Variants in SPIRE2 observed in about 807,000 individuals in gnomAD.
SPIRE2 encodes spire type actin nucleation factor 2.
SPIRE2 carries 76 observed loss-of-function variants against 80.7 expected under a neutral mutation model. That is an observed-to-expected ratio of 0.94 (90% confidence interval 0.78 to 1.14). The LOEUF (loss-of-function observed/expected upper bound fraction) is 1.14, where lower values mean the gene tolerates loss of function less well. Among genes scored for constraint, SPIRE2 ranks in the 50% most tolerant of loss-of-function variants. SPIRE2 has a pLI of 0.00. For missense variants in SPIRE2, 1,196 were observed against 1,015.3 expected (o/e 1.18, Z -2.42); for synonymous variants, 535 against 432.6 (o/e 1.24, Z -2.94).
chr16:89,869,051 A>ATATATATATATAT (rs1179428409), intron 13 of SPIRE2, among the ~76,000 whole-genome samples: 1 of 30,554 alleles, frequency 3.3e-5, no homozygotes, highest in African/African-American at 2.2e-4. Flanking sequence ...AAAAAAAAAA[A>ATATATATATATAT]AAATATATAT....
At chr16:89,843,673 TTTTTTTTGTTTGTTTTTGTTTTTTG>T (rs1267589059) in intron 1 of SPIRE2, among the ~76,000 whole-genome samples, 18 of 56,242 alleles carry the variant, frequency 3.2e-4, no homozygotes, top group Admixed American at 4.4e-4. Flanking sequence ...CCACGTTTTT[TTTTTTTTGTTTGTTTTTGTTTTTTG>T]TTTTTTTTTT....
In SPIRE2 at chr16:89,870,056, G is replaced by A. The variant is rs1440921959; in HGVS notation, c.1929G>A (p.Leu643=). 3 of 1,612,038 alleles carry A rather than the reference G, an allele frequency of 1.9e-6. No homozygotes were observed. Residue 643 remains leucine (L), a synonymous_variant, in exon 15 of 15, where the codon CTG becomes CTA. Transcript: ENST00000378247. ...GCCCTCTCCCACTTCCCAGGTCTCT[G>A]CAAGGGCCACAGTGGCAGAGCGTGG... The part of the protein sequence containing the change: ...PIQRRDIFQS[L]QGPQWQSVEE...
At chr16:89,848,176 T>G (rs1306125496) in intron 2 of SPIRE2, among the ~76,000 whole-genome samples, 1 of 152,346 alleles carries the variant, frequency 6.6e-6, no homozygotes, top group African/African-American at 2.4e-5. Context: ...TCTGTCACTG[T>G]GCCCAGGAGG....
At chr16:89,867,106 T>C (rs909608750) in intron 12 of SPIRE2, among the ~76,000 whole-genome samples, 25 of 152,128 alleles carry the variant, frequency 1.6e-4, no homozygotes, top group Admixed American at 1.3e-3. Flanking sequence ...TCCAAGACAG[T>C]GTGCAAGTTT....
chr16:89,860,887 G>C lies in SPIRE2; in HGVS notation c.1575+92G>C, dbSNP rs1409696360. 13 of 782,496 alleles carry C rather than the reference G, an allele frequency of 1.7e-5. No individual in the cohort carries two copies. In the Admixed American group the frequency reaches 4.4e-4, roughly 27 times the overall value. The allele number at this position is 782,496 out of a possible 1,614,324, so 48.5% of individuals were successfully genotyped here. A position where few individuals can be genotyped will look rare whatever the true frequency, so the allele number is the denominator to read the frequency against. On this transcript the variant is annotated intron_variant, in intron 10 of 14. Coordinates refer to ENST00000378247, the MANE Select transcript of SPIRE2 (RefSeq NM_032451.2). ...CCAGCCAGGTCTGGGAGATGGGTCT[G>C]AGCACCTGTCTGGGGGGTGTGGCCT...
chr16:89,835,474 A>C (rs764784706), intron 1 of SPIRE2, among the ~76,000 whole-genome samples: 1 of 152,176 alleles, frequency 6.6e-6, no homozygotes, highest in Non-Finnish European at 1.5e-5. Context: ...AGAATCTGCT[A>C]TGTCTTCCTA....
At chr16:89,847,849 G>T (rs754151702) in intron 2 of SPIRE2, among the ~76,000 whole-genome samples, 11 of 152,218 alleles carry the variant, frequency 7.2e-5, no homozygotes, top group Non-Finnish European at 1.5e-4. Flanking sequence ...TTTTATGGAC[G>T]CAGCCTTCAG....
chr16:89,837,479 C>A (rs2041461259), intron 1 of SPIRE2, among the ~76,000 whole-genome samples: 1 of 152,170 alleles, frequency 6.6e-6, no homozygotes, highest in Non-Finnish European at 1.5e-5. Context: ...GGAGAGAGGG[C>A]ACCTTCTCAG....
Position 89,870,100 on chromosome 16 carries a change from T to C in SPIRE2, c.1973T>C (p.Ile658Thr), listed in dbSNP as rs569504078. The stretch of plus-strand genomic sequence containing the variant: ...AGCGTGGAGGAGGCGTTCCCCCACA[T>C]CTACTCCCACGGCTGTGTCCTGAAG... ...WQSVEEAFPH[I>T]YSHGCVLKDV... Residue 658 changes from isoleucine to threonine, a missense_variant, in exon 15 of 15, where the codon ATC becomes ACC. Physicochemically the swap from Ile to Thr is moderately conservative, Grantham distance 89. Coordinates refer to ENST00000378247, the MANE Select transcript of SPIRE2 (RefSeq NM_032451.2). The C allele has an allele frequency of 6.2e-7, 1 of 1,613,636 alleles. No homozygotes were observed. The highest frequency in any genetic ancestry group is 1.1e-5 in the South Asian group (1 of 90,942).
At chr16:89,839,452 G>A (rs528513719) in intron 1 of SPIRE2, among the ~76,000 whole-genome samples, 1 of 152,234 alleles carries the variant, frequency 6.6e-6, no homozygotes, top group Non-Finnish European at 1.5e-5. Flanking sequence ...TTGGCAGTGG[G>A]TGGGGGGCGG....
intron 12 of SPIRE2, among the ~76,000 whole-genome samples, chr16:89,866,216 C>G (rs949346525): frequency 1.3e-5 from 2 of 152,024 alleles, no homozygotes; most frequent in Non-Finnish European, 2.9e-5. Flanking sequence ...CTTGGAAAAG[C>G]CTGGAGGATG....
chr16:89,838,324 A>C (rs1253377265), intron 1 of SPIRE2, among the ~76,000 whole-genome samples: 1 of 152,130 alleles, frequency 6.6e-6, no homozygotes, highest in South Asian at 2.1e-4. Flanking sequence ...CTGGGACTAC[A>C]GGAACCCACC....
intron 6 of SPIRE2, 49 bp from the exon 7 acceptor site, chr16:89,856,064 C>T: frequency 1.3e-6 from 2 of 1,586,882 alleles, no homozygotes; most frequent in Non-Finnish European, 1.7e-6. Flanking sequence ...TCCCGCTTCC[C>T]CACCGCAGGT....
chr16:89,837,849 C>T (rs2041465277), intron 1 of SPIRE2, among the ~76,000 whole-genome samples: 1 of 152,190 alleles, frequency 6.6e-6, no homozygotes, highest in Non-Finnish European at 1.5e-5. Context: ...GAGACGAGCA[C>T]TGGCGGAAGT....
chr16:89,837,077 C>T (rs370634869), intron 1 of SPIRE2, among the ~76,000 whole-genome samples: 2 of 152,264 alleles, frequency 1.3e-5, no homozygotes, highest in African/African-American at 4.8e-5. Flanking sequence ...CAAAGCTGCC[C>T]GTGCCTGGCC....
chr16:89,838,647 G>T (rs1337508989), intron 1 of SPIRE2, among the ~76,000 whole-genome samples: 1 of 152,176 alleles, frequency 6.6e-6, no homozygotes, highest in Non-Finnish European at 1.5e-5. Context: ...ACTGACTTGG[G>T]TGCTGCGGGC....
At position 89,828,839 on chromosome 16, in the gene SPIRE2, C is replaced by T. The variant is rs1272670768; in HGVS notation, c.244+45C>T. On this transcript the variant is annotated intron_variant, in intron 1 of 14. Transcript: ENST00000378247. The surrounding 1 kb of genome is among the most constrained non-coding windows in gnomAD (Gnocchi z 5.9). ...AGCCGGCGGGGACCGCGGTCTGGGGCGTCCGTCCCGCCCCCTGGGTGGGGG... is the reference window on the plus strand; with the variant it reads ...AGCCGGCGGGGACCGCGGTCTGGGGTGTCCGTCCCGCCCCCTGGGTGGGGG... 1 of 1,167,298 alleles carries T rather than the reference C, an allele frequency of 8.6e-7. No homozygotes were observed. The highest frequency in any genetic ancestry group is 1.1e-6 in the Non-Finnish European group (1 of 945,522). The allele number at this position is 1,167,298 out of a possible 1,614,324, so 72.3% of individuals were successfully genotyped here.
chr16:89,867,973 T>C (rs2041804513), intron 12 of SPIRE2, among the ~76,000 whole-genome samples: 1 of 152,192 alleles, frequency 6.6e-6, no homozygotes, highest in Admixed American at 6.5e-5. Flanking sequence ...CCATCCTTCC[T>C]GAGAGAATGC....
intron 12 of SPIRE2, among the ~76,000 whole-genome samples, chr16:89,864,443 TC>T (rs1207214870): frequency 6.6e-6 from 1 of 152,256 alleles, no homozygotes; most frequent in Non-Finnish European, 1.5e-5. Context: ...AATCTGGTCC[TC>T]GGCCTGTTTT....
Sources: gnomAD v4.1 joint callset for allele counts (sites outside exome capture counted in the v4.1 genomes callset) on GRCh38, gnomAD v4.1.1 for gene constraint, Gnocchi (gnomAD v3.1) non-coding constraint, MANE v1.5 for transcripts, NCBI Gene and HGNC (gene_info 2026-07-23, HGNC 2026-07-21) for gene names.